The following ME3 variants were observed in gnomAD, a reference collection of about 807,000 sequenced individuals.
ME3 encodes the protein malic enzyme 3, also known as NADP-dependent malic enzyme, mitochondrial.
In ME3, 48 loss-of-function variants were observed where a neutral mutation model predicts 68.9. The observed-to-expected ratio is 0.70, with a 90% CI of 0.55 to 0.89. The LOEUF (loss-of-function observed/expected upper bound fraction) is 0.89. ME3 is among the 40% of genes least tolerant of loss of function. ME3 has a pLI of 0.00. For synonymous variants in ME3, 320 were observed against 318.8 expected, an observed-to-expected ratio of 1.00 and a Z score of -0.04; for missense variants, 675 against 797.4, an observed-to-expected ratio of 0.85 and a Z score of 1.85.
chr11:86,482,070 A>G (rs1951443427), intron 7 of ME3, among the ~76,000 whole-genome samples: 1 of 152,206 alleles, frequency 6.6e-6, no homozygotes, highest in African/African-American at 2.4e-5. Flanking sequence ...TCCATAGGAC[A>G]CAGTTCAGAA....
chr11:86,656,963 A>ACTT (rs1443605194), intron 2 of ME3, among the ~76,000 whole-genome samples: 2 of 152,192 alleles, frequency 1.3e-5, no homozygotes, highest in Non-Finnish European at 2.9e-5. Context: ...GAAAGTCAGG[A>ACTT]AACAACAGAT....
At chr11:86,643,015 A>G (rs1166489371) in intron 2 of ME3, among the ~76,000 whole-genome samples, 1 of 152,154 alleles carries the variant, frequency 6.6e-6, no homozygotes, top group East Asian at 1.9e-4. Context: ...CATGTTGACA[A>G]TAGCTCTTGG....
At chr11:86,435,680 G>A in the ME3 span, 1 of 152,234 alleles carries the variant, frequency 6.6e-6, no homozygotes, top group Non-Finnish European at 1.5e-5. Context: ...GATTACTGGG[G>A]TGTCTTCTCA....
chr11:86,574,410 G>C (rs1434011698), intron 2 of ME3, among the ~76,000 whole-genome samples: 18 of 118,006 alleles, frequency 1.5e-4, no homozygotes, highest in African/African-American at 5.2e-4. Context: ...GGGGGGGGGG[G>C]GTGTCTTTTT....
At chr11:86,497,130 T>C (rs1952389229) in intron 6 of ME3, among the ~76,000 whole-genome samples, 1 of 152,074 alleles carries the variant, frequency 6.6e-6, no homozygotes, top group African/African-American at 2.4e-5. Context: ...ATTACAGGTG[T>C]GTGCTACCAC....
intron 2 of ME3, among the ~76,000 whole-genome samples, chr11:86,670,419 G>A (rs1390680567): frequency 6.6e-6 from 1 of 152,200 alleles, no homozygotes; most frequent in Non-Finnish European, 1.5e-5. Context: ...AGCCGTGCCT[G>A]CAACCCTTCC....
chr11:86,579,834 T>G lies in ME3; in HGVS notation c.184-20011A>C, dbSNP rs12291626. Among the ~76,000 whole-genome samples, 1,378 of 152,340 alleles carry G rather than the reference T, an allele frequency of 9.0e-3. 24 individuals are homozygous for G. Among genetic ancestry groups the G allele is most frequent in the African/African-American group, 0.031 (1,292 of 41,572 alleles). On this transcript the variant is annotated intron_variant, in intron 2 of 14. Transcript: ENST00000543262. Reference sequence around the variant, plus strand: ...ATTAATAGAGAAACTCAAAGGTCAATGGATTCCAAGTTAGAAGTTCAGCTA... The same window carrying G: ...ATTAATAGAGAAACTCAAAGGTCAAGGGATTCCAAGTTAGAAGTTCAGCTA...
intron 2 of ME3, among the ~76,000 whole-genome samples, chr11:86,599,095 G>T (rs1262188659): frequency 6.6e-6 from 1 of 152,230 alleles, no homozygotes; most frequent in East Asian, 1.9e-4. Context: ...AACAAAGCTG[G>T]ACGGAGAATG....
intron 2 of ME3, among the ~76,000 whole-genome samples, chr11:86,658,646 C>A (rs1221791506): frequency 6.6e-6 from 1 of 152,102 alleles, no homozygotes; most frequent in African/African-American, 2.4e-5. Context: ...ACCCTCCAGT[C>A]CTGCAGTCAA....
chr11:86,508,648 A>C, intron 5 of ME3, 144 bp downstream of exon 5: 1 of 705,784 alleles, frequency 1.4e-6, no homozygotes, highest in Non-Finnish European at 2.5e-6. Flanking sequence ...GTACTTGGCT[A>C]TAACAGGTCT....
At chr11:86,671,985 G>T in intron 1 of ME3, 27 bp from the exon 2 acceptor site, 1 of 1,366,304 alleles carries the variant, frequency 7.3e-7, no homozygotes, top group South Asian at 1.8e-5. Context: ...AGCAAGGTCA[G>T]GGCCTCCTTC....
intron 2 of ME3, among the ~76,000 whole-genome samples, chr11:86,591,163 G>C (rs1273253876): frequency 2.0e-5 from 3 of 150,016 alleles, no homozygotes; most frequent in African/African-American, 7.4e-5. Flanking sequence ...TTTTGTAGGG[G>C]TCAGATTAGC....
intron 2 of ME3, among the ~76,000 whole-genome samples, chr11:86,653,835 T>C (rs1945653783): frequency 6.6e-6 from 1 of 151,582 alleles, no homozygotes; most frequent in South Asian, 2.1e-4. Context: ...TCAACAAAAT[T>C]GATAGACTGC....
intron 5 of ME3, among the ~76,000 whole-genome samples, chr11:86,507,663 T>C (rs1000641332): frequency 5.3e-5 from 8 of 152,186 alleles, no homozygotes; most frequent in Admixed American, 5.2e-4. Flanking sequence ...CTAATACATT[T>C]CTACAAAGTT....
chr11:86,530,198 T>C (rs1177416272), intron 4 of ME3, among the ~76,000 whole-genome samples: 3 of 152,126 alleles, frequency 2.0e-5, no homozygotes, highest in African/African-American at 4.8e-5. Context: ...AGCATTCTTA[T>C]ACACCAATAA....
intron 7 of ME3, among the ~76,000 whole-genome samples, chr11:86,470,863 C>T (rs1286114137): frequency 2.0e-5 from 3 of 152,176 alleles, no homozygotes; most frequent in Non-Finnish European, 4.4e-5. Context: ...TATTTCTAAA[C>T]ACAAGTTTAT....
intron 2 of ME3, among the ~76,000 whole-genome samples, chr11:86,611,605 T>TGG (rs59161522): frequency 1.5e-5 from 2 of 129,436 alleles, no homozygotes; most frequent in African/African-American, 5.8e-5. Flanking sequence ...CTCAATAAAG[T>TGG]GGGGGGGGGG....
At chr11:86,610,119 T>C (rs1191495271) in intron 2 of ME3, among the ~76,000 whole-genome samples, 1 of 152,116 alleles carries the variant, frequency 6.6e-6, no homozygotes, top group Non-Finnish European at 1.5e-5. Flanking sequence ...TGCCTCCATG[T>C]GTAGTAGAAG....
chr11:86,504,933 C>T (rs12294331), intron 5 of ME3, among the ~76,000 whole-genome samples: 1,651 of 152,020 alleles, frequency 0.011, 34 homozygotes, highest in African/African-American at 0.037. Context: ...TCAAGTGATC[C>T]GCCCGCCTCA....
Sources: gnomAD v4.1 joint callset for allele counts (sites outside exome capture counted in the v4.1 genomes callset) on GRCh38, gnomAD v4.1.1 for gene constraint, MANE v1.5 for transcripts, NCBI Gene and HGNC (gene_info 2026-07-23, HGNC 2026-07-21) for gene names.